The following FBXO27 variants were observed in gnomAD, a reference collection of about 807,000 sequenced individuals.
FBXO27 encodes F-box only protein 27.
FBXO27 carries 28 observed loss-of-function variants against 28.3 expected under a neutral mutation model. The ratio of observed to expected loss-of-function variants is 0.99; its 90% CI spans 0.73 to 1.36. FBXO27 has a LOEUF of 1.36. Ranked by LOEUF, FBXO27 falls within the 40% of genes most tolerant of loss-of-function variation. FBXO27 has a pLI of 0.00. For synonymous variants in FBXO27, 175 were observed against 167.3 expected, an observed-to-expected ratio of 1.05 and a Z score of -0.36; for missense variants, 388 against 394.1, an observed-to-expected ratio of 0.98 and a Z score of 0.13.
chr19:39,028,460 C>T (rs751895406), intron 4 of FBXO27, among the ~76,000 whole-genome samples: 2 of 152,084 alleles, frequency 1.3e-5, no homozygotes, highest in African/African-American at 2.4e-5. Flanking sequence ...TCTGGCCAGC[C>T]GTGGTGGCTC....
rs2072907512 is a variant in FBXO27 at position 39,031,942 on chromosome 19, C to T, written c.286G>A (p.Ala96Thr). 2 of 1,515,190 alleles carry T rather than the reference C, an allele frequency of 1.3e-6. No homozygotes were observed. The highest frequency in any genetic ancestry group is 1.3e-5 in the South Asian group (1 of 77,996). The allele number at this position is 1,515,190 out of a possible 1,614,324, so 93.9% of individuals were successfully genotyped here. Residue 96 changes from alanine (A) to threonine (T), a missense_variant, in exon 2 of 6, where the codon GCC (alanine) becomes ACC (threonine). Physicochemically the swap from Ala to Thr is moderately conservative, Grantham distance 58 (BLOSUM62 0). Transcript: ENST00000292853. The part of the protein sequence containing the change: ...ARSCQSPARN[A>T]RPCPLGRFCA... ...AAGCGGCCCAGGGGGCAAGGCCTGG[C>T]GTTACGGGCGGGAGACTGGCAGCTG... is the stretch of plus-strand genomic sequence containing the variant.
At chr19:39,023,163 T>A (rs1279098739), downstream of FBXO27, among the ~76,000 whole-genome samples, 2 of 152,146 alleles carry the variant, frequency 1.3e-5, no homozygotes. Flanking sequence ...GGTCTCGAAC[T>A]GACCTCAAGT....
At chr19:39,012,323 T>C (rs914028495) in intron 2 of FBXO27, among the ~76,000 whole-genome samples, 1 of 152,006 alleles carries the variant, frequency 6.6e-6, no homozygotes, top group Non-Finnish European at 1.5e-5. Flanking sequence ...TAGCTGCGAT[T>C]ACAGGCATGG....
At chr19:39,009,016 T>C (rs918426649) in intron 2 of FBXO27, among the ~76,000 whole-genome samples, 3 of 152,126 alleles carry the variant, frequency 2.0e-5, no homozygotes, top group African/African-American at 7.2e-5. Context: ...GAGACGGGGT[T>C]TCACCATATT....
intron 2 of FBXO27, among the ~76,000 whole-genome samples, chr19:39,011,961 T>C: frequency 6.6e-6 from 1 of 151,436 alleles, no homozygotes; most frequent in Non-Finnish European, 1.5e-5. Flanking sequence ...CCCGAGTAGC[T>C]GGGACTACAG....
chr19:39,010,393 C>T (rs12610200), intron 2 of FBXO27, among the ~76,000 whole-genome samples: 65,647 of 151,848 alleles, frequency 0.43, 14,829 homozygotes, highest in Middle Eastern at 0.57. Flanking sequence ...GTCTTGGCAC[C>T]GTTGTTGAAA....
At chr19:39,029,659 C>A (rs554182453) in intron 4 of FBXO27, among the ~76,000 whole-genome samples, 5 of 152,068 alleles carry the variant, frequency 3.3e-5, no homozygotes, top group Non-Finnish European at 7.4e-5. Context: ...GGGCTCATGG[C>A]TGTAGTGGAC....
At chr19:39,021,962 T>G (rs2072847210), downstream of FBXO27, among the ~76,000 whole-genome samples, 1 of 151,762 alleles carries the variant, frequency 6.6e-6, no homozygotes, top group African/African-American at 2.4e-5. Flanking sequence ...CATCCGGCTA[T>G]CCTCAGATTT....
rs139861760 is a variant in FBXO27 at position 39,016,359 on chromosome 19, G to GGTGT, written c.92-1816_92-1813dup. Among the ~76,000 whole-genome samples, 252 of 149,854 alleles carry GGTGT rather than the reference G, an allele frequency of 1.7e-3. 1 individual carries two copies. The highest frequency in any genetic ancestry group is 5.5e-3 in the African/African-American group (227 of 40,958). ...GGTGGGGGATGTTGATAGCGGGAAGGGTGTGTGTGTGTGTGTGCGTGAGGG... is the reference window on the plus strand; with the variant it reads ...GGTGGGGGATGTTGATAGCGGGAAGGGTGTGTGTGTGTGTGTGTGTGCGTGAGGG... On this transcript the variant is annotated intron_variant, in intron 1 of 2. Transcript: ENST00000598394.
intron 2 of FBXO27, among the ~76,000 whole-genome samples, chr19:39,006,884 G>A (rs2144877117): frequency 6.6e-6 from 1 of 151,964 alleles, no homozygotes; most frequent in Non-Finnish European, 1.5e-5. Flanking sequence ...TTCAAGACCA[G>A]CCTGGGCAAC....
At chr19:39,019,504 T>A (rs1242704066), downstream of FBXO27, among the ~76,000 whole-genome samples, 1 of 136,208 alleles carries the variant, frequency 7.3e-6, no homozygotes, top group African/African-American at 2.8e-5. Flanking sequence ...AATATAATTC[T>A]AGAAAAGTGT....
intron 4 of FBXO27, among the ~76,000 whole-genome samples, chr19:39,027,451 G>T (rs2072879630): frequency 6.6e-6 from 1 of 152,154 alleles, no homozygotes; most frequent in Non-Finnish European, 1.5e-5. Flanking sequence ...CATGCATCTT[G>T]TCACACATCA....
chr19:39,026,510 C>T (rs1006365630), intron 5 of FBXO27, among the ~76,000 whole-genome samples: 3 of 152,040 alleles, frequency 2.0e-5, no homozygotes, highest in East Asian at 3.9e-4. Context: ...AGTCTCGCCC[C>T]GTCACCCAGG....
At chr19:39,010,792 G>A (rs767835337) in intron 2 of FBXO27, among the ~76,000 whole-genome samples, 89 of 152,252 alleles carry the variant, frequency 5.8e-4, no homozygotes, top group Non-Finnish European at 1.1e-3. Context: ...CCAGAGCCCT[G>A]CTGTGCAGGA....
At chr19:39,030,062 G>A (rs906234212) in intron 4 of FBXO27, among the ~76,000 whole-genome samples, 6 of 152,038 alleles carry the variant, frequency 3.9e-5, no homozygotes, top group African/African-American at 1.4e-4. Context: ...GGCTGGTCTC[G>A]AACTCCTTAG....
At chr19:39,031,668 C>T (rs1196806194) in intron 2 of FBXO27, among the ~76,000 whole-genome samples, 196 bp downstream of exon 2, 2 of 151,740 alleles carry the variant, frequency 1.3e-5, no homozygotes, top group Non-Finnish European at 2.9e-5. Context: ...CCACCGGCTC[C>T]CAATGCTGCC....
chr19:39,012,920 AC>A (rs2072802727), intron 2 of FBXO27, among the ~76,000 whole-genome samples: 1 of 152,098 alleles, frequency 6.6e-6, no homozygotes, highest in Non-Finnish European at 1.5e-5. Flanking sequence ...AGATGGCGCT[AC>A]TGCACTCCAG....
intron 2 of FBXO27, among the ~76,000 whole-genome samples, chr19:39,009,556 C>T (rs138281567): frequency 1.6e-3 from 245 of 152,202 alleles, no homozygotes; most frequent in Middle Eastern, 6.8e-3. Context: ...TGCTGTTGAA[C>T]GTCTTTTCAT....
In FBXO27 at chr19:39,025,518, G is replaced by A. The variant is rs780951197; in HGVS notation, c.745C>T (p.Arg249Cys). ...HVFSNIKMGV[R>C]FVSFEHRGQD... ...CCCCGGTGTTCGAAAGACACAAAGC[G>A]GACGCCCATCTTGATGTTGGAGAAC... is the stretch of plus-strand genomic sequence containing the variant. The change falls in exon 6 of 6, where the codon CGC (arginine) becomes TGC (cysteine). Residue 249 changes from arginine (R) to cysteine (C), a missense_variant. Physicochemically the swap from Arg to Cys is radical, Grantham distance 180. Transcript: ENST00000292853. 7.8e-5 allele frequency: 126 copies of A among 1,614,100 alleles called. No individual in the cohort carries two copies. Among genetic ancestry groups the A allele is most frequent in the East Asian group, 2.0e-4 (9 of 44,870 alleles).
Sources: gnomAD v4.1 joint callset for allele counts (sites outside exome capture counted in the v4.1 genomes callset) on GRCh38, gnomAD v4.1.1 for gene constraint, MANE v1.5 for transcripts, NCBI Gene and HGNC (gene_info 2026-07-23, HGNC 2026-07-21) for gene names.